The following PDZRN3 variants were observed in gnomAD, a reference collection of about 807,000 sequenced individuals.
PDZRN3 encodes the protein E3 ubiquitin-protein ligase PDZRN3.
A neutral mutation model predicts 85.7 loss-of-function variants in PDZRN3; 38 were observed. The ratio of observed to expected loss-of-function variants is 0.44; its 90% CI spans 0.34 to 0.58. The LOEUF is 0.58. PDZRN3 is among the 20% of genes least tolerant of loss of function. The pLI is 0.01. For missense variants in PDZRN3, 1,629 were observed against 1,506.4 expected, an observed-to-expected ratio of 1.08 and a Z score of -1.35; for synonymous variants, 759 against 638.0, an observed-to-expected ratio of 1.19 and a Z score of -2.86.
chr3:73,446,657 G>A (rs941236037), intron 3 of PDZRN3, among the ~76,000 whole-genome samples: 3 of 152,168 alleles, frequency 2.0e-5, no homozygotes, highest in South Asian at 4.1e-4. Flanking sequence ...GGCGGGGACA[G>A]AGAGCAACAT....
chr3:73,420,519 A>G (rs1401060196), intron 3 of PDZRN3, among the ~76,000 whole-genome samples: 3 of 152,202 alleles, frequency 2.0e-5, no homozygotes, highest in Non-Finnish European at 4.4e-5. Flanking sequence ...GTTTTTAAGA[A>G]GCTTTGGCTT....
chr3:73,489,821 C>T (rs1212721901), intron 3 of PDZRN3, among the ~76,000 whole-genome samples: 2 of 152,046 alleles, frequency 1.3e-5, no homozygotes, highest in Admixed American at 1.3e-4. Context: ...ATCTGCCTGC[C>T]TCAGCCTCCC....
intron 4 of PDZRN3, chr3:73,401,957 C>T (rs1701757722): frequency 6.6e-6 from 1 of 152,248 alleles, no homozygotes; most frequent in South Asian, 2.1e-4. Flanking sequence ...GCCATTCAAA[C>T]AAGGGCTGGC....
chr3:73,579,844 G>A (rs545129441), intron 3 of PDZRN3, among the ~76,000 whole-genome samples: 138 of 152,130 alleles, frequency 9.1e-4, no homozygotes, highest in Middle Eastern at 3.4e-3. Context: ...GTGTGTGTGT[G>A]TATATATATT....
intron 3 of PDZRN3, chr3:73,433,809 G>A: frequency 6.7e-7 from 1 of 1,494,052 alleles, no homozygotes; most frequent in Non-Finnish European, 8.9e-7. Context: ...AGAGCCTCAG[G>A]TGAGTCAAGC....
intron 1 of PDZRN3, among the ~76,000 whole-genome samples, chr3:73,616,260 C>A (rs1483813999): frequency 1.3e-5 from 2 of 152,194 alleles, no homozygotes; most frequent in East Asian, 1.9e-4. Context: ...GCCAAACAAA[C>A]CTCTTTCTTT....
intron 3 of PDZRN3, among the ~76,000 whole-genome samples, chr3:73,481,464 G>A (rs1703559066): frequency 6.6e-6 from 1 of 152,128 alleles, no homozygotes; most frequent in African/African-American, 2.4e-5. Context: ...CCAAGTAGTT[G>A]GGATTACAGG....
Position 73,624,371 on chromosome 3 carries a change from T to C in PDZRN3, c.455A>G (p.His152Arg). ...CQEGCGLPLT[H>R]GEQRAGGHCC... Reference sequence around the variant, plus strand: ...GTGGCCGCCCGCGCGCTGCTCGCCGTGCGTCAAGGGTAGCCCGCAGCCCTC... The same window carrying C: ...GTGGCCGCCCGCGCGCTGCTCGCCGCGCGTCAAGGGTAGCCCGCAGCCCTC... The change falls in exon 1 of 10, where the codon CAC becomes CGC. Residue 152 changes from histidine to arginine, a missense_variant. By Grantham distance (29) the His-to-Arg change is conservative (BLOSUM62 0). Transcript: ENST00000263666. 10 of 1,302,350 alleles carry C rather than the reference T, an allele frequency of 7.7e-6. No homozygotes were observed. Among genetic ancestry groups the C allele is most frequent in the Non-Finnish European group, 9.7e-6 (10 of 1,031,706 alleles). 80.7% of individuals were successfully genotyped at this position (1,302,350 alleles called of 1,614,324 possible). A position where few individuals can be genotyped will look rare whatever the true frequency, so the allele number is the denominator to read the frequency against.
At chr3:73,463,252 A>G (rs537963351) in intron 3 of PDZRN3, among the ~76,000 whole-genome samples, 32 of 152,324 alleles carry the variant, frequency 2.1e-4, no homozygotes, top group Non-Finnish European at 4.3e-4. Flanking sequence ...CAAAGCATGA[A>G]ACAGAGAGCT....
intron 3 of PDZRN3, among the ~76,000 whole-genome samples, chr3:73,576,947 T>C (rs1316820785): frequency 6.6e-6 from 1 of 152,226 alleles, no homozygotes; most frequent in Non-Finnish European, 1.5e-5. Context: ...TTATTTTCAA[T>C]GCTTCTATTA....
At chr3:73,569,563 C>A in intron 3 of PDZRN3, 1 of 1,051,252 alleles carries the variant, frequency 9.5e-7, no homozygotes, top group Non-Finnish European at 1.1e-6. Flanking sequence ...CCCCCACACC[C>A]GCACACACAT....
intron 3 of PDZRN3, among the ~76,000 whole-genome samples, chr3:73,518,452 G>A (rs971660200): frequency 1.3e-5 from 2 of 152,092 alleles, no homozygotes; most frequent in African/African-American, 4.8e-5. Flanking sequence ...TAACATGAAT[G>A]CACTTAATGC....
intron 3 of PDZRN3, chr3:73,594,133 AC>A (rs1242466230): frequency 6.6e-6 from 1 of 152,170 alleles, no homozygotes; most frequent in Non-Finnish European, 1.5e-5. Flanking sequence ...AATAAATATA[AC>A]AAAGCCCATA....
rs1329396405 is a variant in PDZRN3, at chr3:73,382,963, TAC to T, written c.*400_*401del. ...TTATAAAATAGGGTTCCATTAAAAA[TAC>T]ATACTGGCAGTTGTATTTGTGTTTT... On this transcript the variant is annotated 3_prime_UTR_variant, in exon 10 of 10. Coordinates refer to ENST00000263666, the MANE Select transcript of PDZRN3 (RefSeq NM_015009.3). 1 of 165,006 alleles carries T rather than the reference TAC, an allele frequency of 6.1e-6. No individual in the cohort carries two copies. Among genetic ancestry groups the T allele is most frequent in the African/African-American group, 2.4e-5 (1 of 41,660 alleles). The allele number at this position is 165,006 out of a possible 1,614,324, so 10.2% of individuals were successfully genotyped here.
intron 3 of PDZRN3, among the ~76,000 whole-genome samples, chr3:73,532,762 G>T (rs549041919): frequency 6.6e-6 from 1 of 152,312 alleles, no homozygotes; most frequent in South Asian, 2.1e-4. Context: ...AAGTGAAGAG[G>T]CATTACAGAT....
intron 3 of PDZRN3, among the ~76,000 whole-genome samples, chr3:73,461,609 G>A (rs568162928): frequency 1.3e-5 from 2 of 152,200 alleles, no homozygotes; most frequent in Non-Finnish European, 2.9e-5. Context: ...AGATAATCTG[G>A]ACATGAAACA....
chr3:73,459,297 T>C (rs1393801012), intron 3 of PDZRN3, among the ~76,000 whole-genome samples: 1 of 152,162 alleles, frequency 6.6e-6, no homozygotes, highest in Non-Finnish European at 1.5e-5. Context: ...GAGATTTGGG[T>C]GGGGACACAG....
At chr3:73,385,045 A>G in intron 9 of PDZRN3, 115 bp from the exon 10 acceptor site, 1 of 1,241,706 alleles carries the variant, frequency 8.1e-7, no homozygotes, top group Non-Finnish European at 1.1e-6. Flanking sequence ...TCTAAGGCCA[A>G]GGGACAGCAT....
intron 3 of PDZRN3, among the ~76,000 whole-genome samples, chr3:73,505,301 T>TA (rs994535582): frequency 6.6e-6 from 1 of 152,198 alleles, no homozygotes; most frequent in Non-Finnish European, 1.5e-5. Flanking sequence ...TCCTTAAAGA[T>TA]AGACTTTGCT....
Sources: allele counts gnomAD v4.1 joint callset (sites outside exome capture counted in the v4.1 genomes callset), GRCh38; gene constraint gnomAD v4.1.1; transcripts MANE v1.5; gene names NCBI Gene and HGNC (gene_info 2026-07-23, HGNC 2026-07-21).